CELF2: variants seen among roughly 807,000 people sequenced by gnomAD.
CELF2 encodes CUG triplet repeat RNA-binding protein 2.
Under a neutral mutation model 62.6 loss-of-function variants are expected in CELF2, and 8 were observed. The observed-to-expected ratio is 0.13, with a 90% CI of 0.07 to 0.23. The LOEUF (loss-of-function observed/expected upper bound fraction) is 0.23. Among genes scored for constraint, CELF2 ranks in the 10% least tolerant of loss-of-function variants. The probability of loss-of-function intolerance (pLI) is 1.00; values close to 1 mark genes in which losing one functional copy is unlikely to be tolerated. For synonymous variants in CELF2, 258 were observed against 250.0 expected (o/e 1.03, Z -0.30); for missense variants, 333 against 671.0 (o/e 0.50, Z 5.56).
At chr10:11,007,924 C>A (rs190725451) in intron 1 of CELF2, among the ~76,000 whole-genome samples, 2 of 152,070 alleles carry the variant, frequency 1.3e-5, no homozygotes, top group African/African-American at 4.8e-5. Flanking sequence ...CAGTTAGGTA[C>A]GGAAACGAGG....
At chr10:11,093,936 C>T (rs1427504594) in intron 1 of CELF2, among the ~76,000 whole-genome samples, 1 of 152,204 alleles carries the variant, frequency 6.6e-6, no homozygotes, top group African/African-American at 2.4e-5. Context: ...CCATCATTGT[C>T]ATGGACAATT....
intron 1 of CELF2, among the ~76,000 whole-genome samples, chr10:10,833,001 A>G (rs1168279056): frequency 6.9e-6 from 1 of 144,980 alleles, no homozygotes; most frequent in Non-Finnish European, 1.5e-5. Context: ...CCTCCTACAG[A>G]CACAGAAAAC....
At chr10:10,613,660 A>G in the CELF2 span, among the ~76,000 whole-genome samples, 1 of 152,200 alleles carries the variant, frequency 6.6e-6, no homozygotes, top group African/African-American at 2.4e-5. Context: ...GCAAACATGT[A>G]TCAGTTGGTC....
At chr10:10,535,048 T>C in the CELF2 span, among the ~76,000 whole-genome samples, 3 of 152,240 alleles carry the variant, frequency 2.0e-5, no homozygotes, top group Non-Finnish European at 4.4e-5. Flanking sequence ...GGAGGGATCT[T>C]AGTTTACCTC....
chr10:11,200,782 A>T (rs1044971406), intron 2 of CELF2, among the ~76,000 whole-genome samples: 1 of 152,256 alleles, frequency 6.6e-6, no homozygotes, highest in Non-Finnish European at 1.5e-5. Context: ...ACCTGCTAGC[A>T]AAAGGAAGGG....
intron 2 of CELF2, chr10:10,948,320 T>G (rs2047929297): frequency 6.6e-6 from 1 of 152,208 alleles, no homozygotes; most frequent in African/African-American, 2.4e-5. Context: ...AGCCCTTACA[T>G]GTCTCTCTTA....
At chr10:10,827,215 G>T (rs1362204633) in intron 1 of CELF2, among the ~76,000 whole-genome samples, 1 of 152,076 alleles carries the variant, frequency 6.6e-6, no homozygotes, top group East Asian at 1.9e-4. Context: ...ACAAATATTT[G>T]CATATCCCCA....
chr10:10,621,077 A>T, the CELF2 span, among the ~76,000 whole-genome samples: 1,324 of 148,952 alleles, frequency 8.9e-3, 5 homozygotes, highest in South Asian at 0.037. Context: ...AAAAAATAAA[A>T]AATAATAATA....
At chr10:11,073,854 C>A (rs1301251805) in intron 1 of CELF2, among the ~76,000 whole-genome samples, 1 of 152,162 alleles carries the variant, frequency 6.6e-6, no homozygotes, top group Non-Finnish European at 1.5e-5. Context: ...GTTTAATTCA[C>A]AATTTCTTTA....
the CELF2 span, among the ~76,000 whole-genome samples, chr10:10,630,292 C>T: frequency 6.6e-6 from 1 of 152,180 alleles, no homozygotes; most frequent in Admixed American, 6.5e-5. Context: ...TCAGAGTTGG[C>T]AACTGTGAAG....
intron 2 of CELF2, among the ~76,000 whole-genome samples, chr10:11,173,278 G>A (rs143172707): frequency 4.8e-3 from 725 of 152,298 alleles, no homozygotes; most frequent in Middle Eastern, 0.02. Context: ...ACAGGGTGAC[G>A]CTGTTAGTTA....
In CELF2 at chr10:11,035,241, A is replaced by G. The variant is rs531330617; in HGVS notation, c.74+17078A>G. ...TAACCTTTCTCCAAGCCGTCTTCTT[A>G]CCTAAATCCTTATACATAGAAAAGC... On this transcript the variant is annotated intron_variant, in intron 1 of 12. Coordinates refer to ENST00000633077, the MANE Select transcript of CELF2 (RefSeq NM_001326342.2). Among the ~76,000 whole-genome samples, 40 of 152,188 alleles carry G rather than the reference A, an allele frequency of 2.6e-4. 1 individual carries two copies. In the South Asian group the frequency reaches 4.8e-3, roughly 18 times the overall value.
At chr10:10,873,523 A>T (rs2060893645) in intron 1 of CELF2, among the ~76,000 whole-genome samples, 1 of 152,176 alleles carries the variant, frequency 6.6e-6, no homozygotes, top group African/African-American at 2.4e-5. Context: ...GTTTAGTAAG[A>T]TGAATTGCAG....
chr10:10,592,102 G>A, the CELF2 span, among the ~76,000 whole-genome samples: 50 of 152,080 alleles, frequency 3.3e-4, no homozygotes, highest in East Asian at 1.2e-3. Flanking sequence ...AAGTAAAACC[G>A]GTAATTATAA....
At chr10:11,171,635 G>A (rs551966860) in intron 2 of CELF2, among the ~76,000 whole-genome samples, 1 of 152,318 alleles carries the variant, frequency 6.6e-6, no homozygotes, top group South Asian at 2.1e-4. Flanking sequence ...CTGTGCCATG[G>A]TAGAGTGAGG....
intron 2 of CELF2, among the ~76,000 whole-genome samples, chr10:10,970,204 G>C (rs2050616490): frequency 1.3e-5 from 2 of 152,132 alleles, no homozygotes; most frequent in African/African-American, 4.8e-5. Flanking sequence ...GAATAGCTGG[G>C]ATTACAGGTG....
chr10:11,120,528 TG>T (rs1418621024), intron 1 of CELF2, among the ~76,000 whole-genome samples: 2 of 152,190 alleles, frequency 1.3e-5, no homozygotes, highest in Admixed American at 1.3e-4. Flanking sequence ...TCTATGCAGT[TG>T]AAATTTCTGC....
Position 11,306,261 on chromosome 10 carries a change from C to T in CELF2, c.977-7878C>T, listed in dbSNP as rs963076889. Reference sequence around the variant, plus strand: ...TATGAACCAACATTTATAGACCGCACCTCTCCTGAGATGCTCCTTTGGCAT... The same window carrying T: ...TATGAACCAACATTTATAGACCGCATCTCTCCTGAGATGCTCCTTTGGCAT... On this transcript the variant is annotated intron_variant, in intron 9 of 12. Coordinates refer to ENST00000633077, the MANE Select transcript of CELF2 (RefSeq NM_001326342.2). This position sits in a 1 kb window ranked among gnomAD's most constrained non-coding sequence, Gnocchi z 4.4. 4.0e-5 allele frequency among the ~76,000 whole-genome samples: 6 copies of T among 151,888 alleles called. No individual in the cohort carries two copies. Among genetic ancestry groups the T allele is most frequent in the African/African-American group, 1.2e-4 (5 of 41,332 alleles).
intron 2 of CELF2, among the ~76,000 whole-genome samples, chr10:10,962,760 G>A (rs1440517077): frequency 1.3e-5 from 2 of 152,186 alleles, no homozygotes; most frequent in African/African-American, 4.8e-5. Context: ...CAACTAAAGA[G>A]AGGAAATGAA....
Sources: allele counts gnomAD v4.1 joint callset (sites outside exome capture counted in the v4.1 genomes callset), GRCh38; gene constraint gnomAD v4.1.1; non-coding constraint Gnocchi (gnomAD v3.1); transcripts MANE v1.5; gene names NCBI Gene and HGNC (gene_info 2026-07-23, HGNC 2026-07-21).